The following SLIT3 variants were observed in gnomAD, a reference collection of about 807,000 sequenced individuals.
SLIT3 encodes the protein slit homolog 3 protein.
A neutral mutation model predicts 184.0 loss-of-function variants in SLIT3; 68 were observed. The ratio of observed to expected loss-of-function variants is 0.37; its 90% CI spans 0.30 to 0.45. The LOEUF (loss-of-function observed/expected upper bound fraction) is 0.45. SLIT3 is among the 20% of genes least tolerant of loss of function. The probability of loss-of-function intolerance (pLI) is 1.00; values close to 1 mark genes in which losing one functional copy is unlikely to be tolerated. For missense variants in SLIT3, 1,707 were observed against 2,026.0 expected, an observed-to-expected ratio of 0.84 and a Z score of 3.02; for synonymous variants, 831 against 828.6, an observed-to-expected ratio of 1.00 and a Z score of -0.05.
At chr5:168,867,510 G>A (rs1759349454) in intron 5 of SLIT3, among the ~76,000 whole-genome samples, 1 of 152,218 alleles carries the variant, frequency 6.6e-6, no homozygotes, top group Non-Finnish European at 1.5e-5. Flanking sequence ...CCAGTGGTGT[G>A]TGACTTTGAA....
chr5:168,707,859 C>T, intron 26 of SLIT3, 117 bp downstream of exon 26: 1 of 1,289,862 alleles, frequency 7.8e-7, no homozygotes, highest in Non-Finnish European at 1.1e-6. Flanking sequence ...GCGATGGACT[C>T]ATCCAGGCTG....
chr5:169,164,915 C>T (rs994016115), intron 4 of SLIT3, among the ~76,000 whole-genome samples: 9 of 152,360 alleles, frequency 5.9e-5, no homozygotes, highest in Admixed American at 2.6e-4. Flanking sequence ...GATACCCTGC[C>T]GTTGGATGCC....
intron 5 of SLIT3, among the ~76,000 whole-genome samples, chr5:168,875,407 G>T (rs1233397481): frequency 6.6e-6 from 1 of 152,114 alleles, no homozygotes; most frequent in Admixed American, 6.5e-5. Flanking sequence ...TAAGGCGGGT[G>T]GATCACCTGA....
At chr5:168,880,529 T>C (rs1202232566) in intron 5 of SLIT3, among the ~76,000 whole-genome samples, 2 of 152,370 alleles carry the variant, frequency 1.3e-5, no homozygotes, top group Admixed American at 1.3e-4. Context: ...TCTTCACTAT[T>C]GTAACAAAGG....
intron 1 of SLIT3, among the ~76,000 whole-genome samples, chr5:169,291,637 T>C (rs563328664): frequency 1.3e-5 from 2 of 152,340 alleles, no homozygotes; most frequent in African/African-American, 4.8e-5. Context: ...GATCACATCA[T>C]TGACATTCTT....
At chr5:169,193,026 C>A (rs569994944) in intron 4 of SLIT3, among the ~76,000 whole-genome samples, 2 of 152,276 alleles carry the variant, frequency 1.3e-5, no homozygotes, top group African/African-American at 4.8e-5. Flanking sequence ...CCTAGACTGG[C>A]AGCGCTAGGA....
chr5:169,020,264 C>A (rs1388110364), intron 4 of SLIT3, among the ~76,000 whole-genome samples: 2 of 152,164 alleles, frequency 1.3e-5, no homozygotes, highest in Non-Finnish European at 2.9e-5. Context: ...GGCTACATAA[C>A]TAGGACTACA....
chr5:169,171,283 G>A (rs1233446238), intron 4 of SLIT3, among the ~76,000 whole-genome samples: 2 of 152,188 alleles, frequency 1.3e-5, no homozygotes, highest in African/African-American at 4.8e-5. Context: ...TTCCAGTTTA[G>A]AACCCTCACT....
At chr5:169,078,398 C>T (rs1758829624) in intron 4 of SLIT3, among the ~76,000 whole-genome samples, 1 of 151,966 alleles carries the variant, frequency 6.6e-6, no homozygotes, top group African/African-American at 2.4e-5. Flanking sequence ...CCTTGGATAC[C>T]CACCACCGAT....
intron 4 of SLIT3, among the ~76,000 whole-genome samples, chr5:169,102,999 T>C: frequency 6.6e-6 from 1 of 152,206 alleles, no homozygotes. Flanking sequence ...AACTTGACTA[T>C]GATAATAAAA....
rs550815361 is a variant in SLIT3 at position 169,262,954 on chromosome 5, C to T, written c.198-11495G>A. On this transcript the variant is annotated intron_variant, in intron 1 of 35. Coordinates refer to ENST00000519560, the MANE Select transcript of SLIT3 (RefSeq NM_003062.4). ...AACCCCAGCTACCTATGAGTGTGAT[C>T]GTATTTGAAAGTAGGGTCTTTGCAG... Among the ~76,000 whole-genome samples the T allele has an allele frequency of 3.9e-5, 6 of 152,226 alleles. No homozygotes were observed. In the South Asian group the frequency reaches 6.2e-4, roughly 16 times the overall value.
At chr5:168,932,584 C>T (rs148397559) in intron 4 of SLIT3, among the ~76,000 whole-genome samples, 1 of 152,062 alleles carries the variant, frequency 6.6e-6, no homozygotes, top group Non-Finnish European at 1.5e-5. Context: ...TATAGATAAG[C>T]GACTGCCCAG....
At chr5:168,762,164 T>C (rs979293663) in intron 15 of SLIT3, among the ~76,000 whole-genome samples, 4 of 152,108 alleles carry the variant, frequency 2.6e-5, no homozygotes, top group African/African-American at 9.7e-5. Context: ...TTAATCATTC[T>C]AGTTGTTTTC....
At chr5:169,196,879 T>C (rs2544823) in intron 3 of SLIT3, among the ~76,000 whole-genome samples, 62,277 of 152,036 alleles carry the variant, frequency 0.41, 13,025 homozygotes, top group Middle Eastern at 0.46. Context: ...TGGAGGTCCC[T>C]AAGGCAAGAA....
intron 20 of SLIT3, among the ~76,000 whole-genome samples, chr5:168,734,497 C>G (rs62378471): frequency 0.049 from 7,485 of 152,204 alleles, 195 homozygotes; most frequent in African/African-American, 0.075. Flanking sequence ...GATCTCAGCT[C>G]CAGCATTAGT....
chr5:169,256,603 T>C (rs1765969227), intron 1 of SLIT3, among the ~76,000 whole-genome samples: 2 of 152,178 alleles, frequency 1.3e-5, no homozygotes, highest in Admixed American at 6.5e-5. Flanking sequence ...TTTGGGGTGA[T>C]TCATTTTATA....
intron 4 of SLIT3, among the ~76,000 whole-genome samples, chr5:169,103,931 T>C (rs1760108305): frequency 6.6e-6 from 1 of 152,204 alleles, no homozygotes; most frequent in Non-Finnish European, 1.5e-5. Flanking sequence ...CACTTGCTGC[T>C]CTGTGCTGGA....
In SLIT3 at chr5:168,700,562, G is replaced by A. The variant is rs2113282447; in HGVS notation, c.2942+20C>T. The A allele has an allele frequency of 1.3e-6, 2 of 1,561,062 alleles. No homozygotes were observed. Among genetic ancestry groups the A allele is most frequent in the South Asian group, 1.1e-5 (1 of 89,952 alleles). The stretch of plus-strand genomic sequence containing the variant: ...GAGAGCAAACTAATACAGTGAGGGA[G>A]GCCAGGGGTGAACTGTTACCTGAAC... On this transcript the variant is annotated intron_variant, in intron 27 of 35. Transcript: ENST00000519560.
rs113245745 is a variant in SLIT3 at position 168,915,775 on chromosome 5, C to T, written c.414-32439G>A. On this transcript the variant is annotated intron_variant, in intron 4 of 35. Transcript: ENST00000519560. The stretch of plus-strand genomic sequence containing the variant: ...GTGTCCAGAGGCTGCTGTATGGAAC[C>T]GCATCGTTTTGGACAAAAAGAGGCC... Among the ~76,000 whole-genome samples, 553 of 152,120 alleles carry T rather than the reference C, an allele frequency of 3.6e-3. 3 individuals carry two copies. Among genetic ancestry groups the T allele is most frequent in the African/African-American group, 0.013 (519 of 41,502 alleles).
Sources: gnomAD v4.1 joint callset for allele counts (sites outside exome capture counted in the v4.1 genomes callset) on GRCh38, gnomAD v4.1.1 for gene constraint, MANE v1.5 for transcripts, NCBI Gene and HGNC (gene_info 2026-07-23, HGNC 2026-07-21) for gene names.